The following FAM107B variants were observed in gnomAD, a reference collection of about 807,000 sequenced individuals.
FAM107B encodes the protein family with sequence similarity 107 member B, also known as protein FAM107B.
FAM107B carries 21 observed loss-of-function variants against 31.5 expected under a neutral mutation model. The ratio of observed to expected loss-of-function variants is 0.67; its 90% confidence interval spans 0.47 to 0.96. FAM107B has a LOEUF of 0.96. FAM107B is among the 40% of genes least tolerant of loss of function. FAM107B has a pLI of 0.00. For missense variants in FAM107B, 452 were observed against 377.1 expected (o/e 1.20, Z -1.64); for synonymous variants, 157 against 141.5 (o/e 1.11, Z -0.78).
intron 1 of FAM107B, among the ~76,000 whole-genome samples, chr10:14,715,229 T>C (rs1855754451): frequency 6.6e-6 from 1 of 151,958 alleles, no homozygotes; most frequent in Admixed American, 6.6e-5. Flanking sequence ...AGGAGAAGAT[T>C]CCTCAAACAA....
intron 2 of FAM107B, among the ~76,000 whole-genome samples, chr10:14,660,077 C>G (rs1854191907): frequency 6.6e-6 from 1 of 152,028 alleles, no homozygotes; most frequent in Non-Finnish European, 1.5e-5. Flanking sequence ...TCTAGGTGAC[C>G]TTTAGCAAAA....
chr10:14,629,389 A>ATT (rs1564606700), intron 2 of FAM107B, among the ~76,000 whole-genome samples: 1 of 67,446 alleles, frequency 1.5e-5, no homozygotes, highest in East Asian at 3.5e-4. Context: ...TATAATATAT[A>ATT]TAATATATAT....
intron 2 of FAM107B, among the ~76,000 whole-genome samples, chr10:14,651,018 T>A (rs1853884218): frequency 6.6e-6 from 1 of 152,184 alleles, no homozygotes; most frequent in Non-Finnish European, 1.5e-5. Context: ...CTCTTCCTAA[T>A]AAGCAATGCT....
At chr10:14,688,968 C>A (rs141566476) in intron 1 of FAM107B, among the ~76,000 whole-genome samples, 4 of 152,326 alleles carry the variant, frequency 2.6e-5, no homozygotes, top group Admixed American at 6.5e-5. Flanking sequence ...TTATTGTAAT[C>A]TAAGGGCAAG....
rs201146077 is a variant in FAM107B at position 14,722,732 on chromosome 10, A to C, written c.411+51521T>G. ...GATATAAGTCTCTTATCAGATATAT[A>C]ATTTGCAAATATTTTCTCTTATCCC... On this transcript the variant is annotated intron_variant, in intron 1 of 4. Coordinates refer to ENST00000181796, the MANE Select transcript of FAM107B (RefSeq NM_031453.4). Among the ~76,000 whole-genome samples the C allele has an allele frequency of 4.9e-4, 75 of 152,230 alleles. 2 individuals carry two copies. The East Asian group carries it at 0.014, about 29-fold the overall frequency.
In FAM107B at chr10:14,521,198, C is replaced by T; in HGVS notation, c.913G>A (p.Glu305Lys). 1.2e-6 allele frequency: 2 copies of T among 1,614,066 alleles called. No individual in the cohort carries two copies. The highest frequency in any genetic ancestry group is 1.7e-6 in the Non-Finnish European group (2 of 1,179,930). ...CTTGGTGCAGCCTCAGCCTAGGACT[C>T]CTGGGCTTGGGCGACTTCTTGGCCT... ...RTGQEVAQAQ[E>K]S The change falls in exon 5 of 5, where the codon GAG (glutamate) becomes AAG (lysine). Residue 305 changes from glutamate (E) to lysine (K), a missense_variant. Coordinates refer to ENST00000181796, the MANE Select transcript of FAM107B (RefSeq NM_031453.4).
chr10:14,600,590 C>A (rs963754194), intron 2 of FAM107B, among the ~76,000 whole-genome samples: 13 of 152,124 alleles, frequency 8.5e-5, no homozygotes, highest in Admixed American at 2.0e-4. Context: ...CAGCTCTTAA[C>A]TGTAATTAAA....
chr10:14,543,948 G>A lies in FAM107B; in HGVS notation c.470-13433C>T, dbSNP rs137926654. Among the ~76,000 whole-genome samples, 244 of 152,134 alleles carry A rather than the reference G, an allele frequency of 1.6e-3. 3 individuals carry two copies. The highest frequency in any genetic ancestry group is 5.7e-3 in the African/African-American group (237 of 41,510). ...TGACCTGTGGAGGGCCCCACCTTTC[G>A]CCTCCATTCACTCACCCCTGTTCCC... On this transcript the variant is annotated intron_variant, in intron 2 of 4. Transcript: ENST00000181796.
intron 1 of FAM107B, among the ~76,000 whole-genome samples, chr10:14,764,931 T>G (rs1833132143): frequency 1.3e-5 from 2 of 152,234 alleles, no homozygotes; most frequent in African/African-American, 4.8e-5. Context: ...CAGTGACTCT[T>G]TGGGTAGGCA....
At chr10:14,606,378 G>A (rs1292509152) in intron 2 of FAM107B, among the ~76,000 whole-genome samples, 2 of 152,068 alleles carry the variant, frequency 1.3e-5, no homozygotes, top group Non-Finnish European at 2.9e-5. Context: ...TGGTATTGGC[G>A]TTATTGCACT....
At chr10:14,666,691 C>G (rs11599834) in intron 2 of FAM107B, among the ~76,000 whole-genome samples, 11,045 of 152,194 alleles carry the variant, frequency 0.073, 465 homozygotes, top group South Asian at 0.16. Flanking sequence ...TGCAAGGGGA[C>G]AGTGTCTCAG....
intron 1 of FAM107B, among the ~76,000 whole-genome samples, chr10:14,724,544 C>T (rs1351148042): frequency 6.6e-6 from 1 of 152,176 alleles, no homozygotes; most frequent in Non-Finnish European, 1.5e-5. Context: ...AATGGTCCAC[C>T]CACTAATGTG....
chr10:14,704,111 T>C (rs533674107), intron 1 of FAM107B, among the ~76,000 whole-genome samples: 3 of 152,218 alleles, frequency 2.0e-5, no homozygotes, highest in Non-Finnish European at 2.9e-5. Context: ...CCACCTTCTA[T>C]GCTCTGACAG....
At chr10:14,651,547 A>T (rs890704600) in intron 2 of FAM107B, among the ~76,000 whole-genome samples, 13 of 152,192 alleles carry the variant, frequency 8.5e-5, no homozygotes, top group Admixed American at 3.9e-4. Flanking sequence ...GGTTGCAGTG[A>T]GCTGGGATCG....
At chr10:14,745,458 T>C (rs1015002822) in intron 1 of FAM107B, among the ~76,000 whole-genome samples, 1 of 152,130 alleles carries the variant, frequency 6.6e-6, no homozygotes, top group Admixed American at 6.5e-5. Context: ...ATTTCTCTCT[T>C]AACACTACTT....
intron 2 of FAM107B, among the ~76,000 whole-genome samples, chr10:14,560,782 C>T (rs1312577252): frequency 6.6e-6 from 1 of 152,154 alleles, no homozygotes; most frequent in African/African-American, 2.4e-5. Context: ...CACCTCCATT[C>T]CTATCATCAA....
intron 2 of FAM107B, among the ~76,000 whole-genome samples, chr10:14,576,529 A>AAACAACAACAACAACAACAAC (rs113340570): frequency 4.1e-5 from 6 of 147,304 alleles, no homozygotes; most frequent in South Asian, 2.1e-4. Flanking sequence ...TACATCTCAA[A>AAACAACAACAACAACAACAAC]AACAACAACA....
intron 2 of FAM107B, among the ~76,000 whole-genome samples, chr10:14,536,742 G>GTA (rs1554827589): frequency 2.6e-5 from 4 of 152,146 alleles, no homozygotes; most frequent in Non-Finnish European, 5.9e-5. Context: ...AGTCATCAGC[G>GTA]TAAGTGCAGA....
intron 1 of FAM107B, among the ~76,000 whole-genome samples, chr10:14,711,067 C>T (rs542412720): frequency 2.6e-5 from 4 of 152,216 alleles, no homozygotes; most frequent in South Asian, 2.1e-4. Context: ...CCTACCACCA[C>T]GTCTGGTTAC....
Sources: gnomAD v4.1 joint callset for allele counts (sites outside exome capture counted in the v4.1 genomes callset) on GRCh38, gnomAD v4.1.1 for gene constraint, MANE v1.5 for transcripts, NCBI Gene and HGNC (gene_info 2026-07-23, HGNC 2026-07-21) for gene names.